MAGI2: variants seen among roughly 807,000 people sequenced by gnomAD.
The protein encoded by MAGI2 is membrane associated guanylate kinase, WW and PDZ domain containing 2.
A neutral mutation model predicts 133.3 loss-of-function variants in MAGI2; 35 were observed. That is an observed-to-expected ratio of 0.26 (90% CI 0.20 to 0.35). The LOEUF (loss-of-function observed/expected upper bound fraction) is 0.35, where lower values mean the gene tolerates loss of function less well. Ranked by LOEUF, MAGI2 falls within the 10% of genes least tolerant of loss-of-function variation. The pLI is 1.00. For synonymous variants in MAGI2, 729 were observed against 710.6 expected, an observed-to-expected ratio of 1.03 and a Z score of -0.41; for missense variants, 1,636 against 1,863.4, an observed-to-expected ratio of 0.88 and a Z score of 2.25.
chr7:78,041,066 C>A (rs1277541421), intron 21 of MAGI2, among the ~76,000 whole-genome samples: 9 of 152,258 alleles, frequency 5.9e-5, no homozygotes, highest in African/African-American at 2.2e-4. Flanking sequence ...AAGACCACAT[C>A]TGATTCTTCT....
intron 1 of MAGI2, among the ~76,000 whole-genome samples, chr7:79,324,791 A>G (rs1563117196): frequency 6.9e-6 from 1 of 145,862 alleles, no homozygotes; most frequent in Non-Finnish European, 1.5e-5. Context: ...AGTGATCCTC[A>G]TTTTTAAAAA....
intron 6 of MAGI2, among the ~76,000 whole-genome samples, chr7:78,370,204 A>C (rs142357737): frequency 5.5e-4 from 83 of 152,198 alleles, no homozygotes; most frequent in African/African-American, 1.9e-3. Context: ...TTAGGTGAAT[A>C]TCCTTCAAAT....
chr7:78,650,033 T>G (rs1811378694), intron 2 of MAGI2, among the ~76,000 whole-genome samples: 2 of 152,286 alleles, frequency 1.3e-5, no homozygotes, highest in South Asian at 2.1e-4. Context: ...CAGGTGATAC[T>G]GATGTTGCTG....
chr7:78,960,623 T>G (rs73703739), intron 2 of MAGI2, among the ~76,000 whole-genome samples: 2 of 152,274 alleles, frequency 1.3e-5, no homozygotes, highest in African/African-American at 4.8e-5. Flanking sequence ...CTGTACTAAG[T>G]ACTTATCCTA....
At position 79,004,039 on chromosome 7, in the gene MAGI2, T is replaced by A. The variant is rs140425061; in HGVS notation, c.418+3051A>T. ...TAGTGCAGCCACTAGGGAAAACATA[T>A]GAAGATTTCTCAAAAAACTGAAATA... On this transcript the variant is annotated intron_variant, in intron 2 of 21. Transcript: ENST00000354212. 9.9e-5 allele frequency among the ~76,000 whole-genome samples: 15 copies of A among 152,256 alleles called. 1 individual carries two copies. The highest frequency in any genetic ancestry group is 8.5e-4 in the Admixed American group (13 of 15,282).
chr7:78,644,788 C>T (rs1397161081), intron 2 of MAGI2, among the ~76,000 whole-genome samples: 3 of 151,730 alleles, frequency 2.0e-5, no homozygotes, highest in Admixed American at 6.6e-5. Context: ...AAAATCAGAG[C>T]AGAAATTTTC....
intron 10 of MAGI2, among the ~76,000 whole-genome samples, chr7:78,241,905 G>A (rs971952905): frequency 9.9e-5 from 15 of 151,778 alleles, no homozygotes; most frequent in African/African-American, 3.1e-4. Flanking sequence ...CTGCACTCCA[G>A]CCTGGACGAC....
intron 7 of MAGI2, among the ~76,000 whole-genome samples, chr7:78,360,592 A>G (rs1792673317): frequency 6.6e-6 from 1 of 152,232 alleles, no homozygotes; most frequent in African/African-American, 2.4e-5. Flanking sequence ...TAGAATAATC[A>G]TCATCTACCT....
At chr7:78,362,953 C>T (rs1013383609) in intron 7 of MAGI2, among the ~76,000 whole-genome samples, 10 of 152,172 alleles carry the variant, frequency 6.6e-5, no homozygotes, top group African/African-American at 2.2e-4. Context: ...ATTTGATCTT[C>T]TCCTTTGTAC....
chr7:79,413,824 C>A (rs965878598), intron 1 of MAGI2: 14 of 152,172 alleles, frequency 9.2e-5, no homozygotes, highest in Admixed American at 7.2e-4. Context: ...ACTTACCCTT[C>A]AACATCTATT....
intron 2 of MAGI2, among the ~76,000 whole-genome samples, chr7:78,670,176 T>C (rs180822683): frequency 0.011 from 1,741 of 152,048 alleles, 39 homozygotes; most frequent in African/African-American, 0.04. Context: ...GAAAACCCCA[T>C]TGTCTCAGCC....
intron 1 of MAGI2, among the ~76,000 whole-genome samples, chr7:79,089,028 G>A (rs527286571): frequency 3.2e-4 from 48 of 151,932 alleles, no homozygotes; most frequent in African/African-American, 1.2e-3. Flanking sequence ...CAGAATGGGA[G>A]AAAAAAATTT....
chr7:78,379,197 G>A (rs765569273), intron 6 of MAGI2, among the ~76,000 whole-genome samples: 14 of 151,856 alleles, frequency 9.2e-5, no homozygotes, highest in Non-Finnish European at 1.9e-4. Flanking sequence ...ATTATAATAC[G>A]GGCAATAAAT....
intron 2 of MAGI2, among the ~76,000 whole-genome samples, chr7:78,757,274 CCCT>C (rs1476331884): frequency 1.3e-5 from 2 of 149,988 alleles, no homozygotes; most frequent in African/African-American, 4.9e-5. Context: ...TTGAAATCTC[CCCT>C]CCTCCCTCCC....
intron 15 of MAGI2, 99 bp from the exon 16 acceptor site, chr7:78,160,372 C>T: frequency 8.0e-7 from 1 of 1,257,370 alleles, no homozygotes; most frequent in Non-Finnish European, 1.1e-6. Context: ...GGTATTGTTA[C>T]AAGACTGGTT....
intron 1 of MAGI2, among the ~76,000 whole-genome samples, chr7:79,214,921 T>A (rs1829896118): frequency 6.8e-6 from 1 of 146,918 alleles, no homozygotes; most frequent in Non-Finnish European, 1.5e-5. Flanking sequence ...ATTTATAAAT[T>A]TCTATGATAT....
chr7:78,112,711 C>T (rs1486457757), intron 20 of MAGI2, among the ~76,000 whole-genome samples: 2 of 152,192 alleles, frequency 1.3e-5, no homozygotes, highest in Non-Finnish European at 2.9e-5. Flanking sequence ...TTACTGAGTG[C>T]CCCAGGTACA....
rs546132263 is a variant in MAGI2, at chr7:79,156,179, G to A, written c.302-148973C>T. Among the ~76,000 whole-genome samples, 11 of 152,060 alleles carry A rather than the reference G, an allele frequency of 7.2e-5. No individual in the cohort carries two copies. The South Asian group carries it at 1.9e-3, about 26-fold the overall frequency. On this transcript the variant is annotated intron_variant, in intron 1 of 21. Coordinates refer to ENST00000354212, the MANE Select transcript of MAGI2 (RefSeq NM_012301.4). ...TGGGTTTTATTTAACTCTATGTATC[G>A]TGACTTGCTTTCCAATCTGATTCTG...
intron 9 of MAGI2, among the ~76,000 whole-genome samples, chr7:78,322,645 G>A (rs944345352): frequency 7.2e-5 from 11 of 152,032 alleles, no homozygotes; most frequent in Non-Finnish European, 1.2e-4. Context: ...AGCATTAGGA[G>A]AAATACCTAA....
Sources: allele counts gnomAD v4.1 joint callset (sites outside exome capture counted in the v4.1 genomes callset), GRCh38; gene constraint gnomAD v4.1.1; transcripts MANE v1.5; gene names NCBI Gene and HGNC (gene_info 2026-07-23, HGNC 2026-07-21).